REPS2: variants seen among roughly 807,000 people sequenced by gnomAD.
REPS2 encodes RALBP1 associated Eps domain containing 2.
REPS2 carries 23 observed loss-of-function variants against 53.6 expected under a neutral mutation model. That is an observed-to-expected ratio of 0.43 (90% CI 0.31 to 0.61). REPS2 has a LOEUF of 0.61. Ranked by LOEUF, REPS2 falls within the 20% of genes least tolerant of loss-of-function variation. The pLI, the probability that REPS2 is intolerant of heterozygous loss-of-function variation, is 0.11. For synonymous variants in REPS2, 238 were observed against 218.6 expected, an observed-to-expected ratio of 1.09 and a Z score of -0.78; for missense variants, 446 against 534.9, an observed-to-expected ratio of 0.83 and a Z score of 1.64.
At chrX:17,072,439 C>T (rs1322821930) in intron 11 of REPS2, among the ~76,000 whole-genome samples, 1 of 111,130 alleles carries the variant, frequency 9.0e-6, no homozygotes, top group African/African-American at 3.3e-5. Flanking sequence ...GGTCTCTAGT[C>T]CTGTCTCTCC....
At chrX:17,172,971 A>ATGTGTG in the REPS2 span, among the ~76,000 whole-genome samples, 1 of 63,061 alleles carries the variant, frequency 1.6e-5, no homozygotes, top group African/African-American at 5.9e-5. Context: ...GTCTGTGTGT[A>ATGTGTG]TGTATGTGTG....
At chrX:17,008,407 T>C (rs1454561467) in intron 2 of REPS2, among the ~76,000 whole-genome samples, 20 of 112,256 alleles carry the variant, frequency 1.8e-4, no homozygotes. Context: ...TTTAATTTCC[T>C]GAGGGCAGGG....
At chrX:16,981,076 A>G (rs921255587) in intron 1 of REPS2, among the ~76,000 whole-genome samples, 1 of 112,330 alleles carries the variant, frequency 8.9e-6, no homozygotes, top group African/African-American at 3.2e-5. Context: ...TCTGTAGAAC[A>G]TTGTTAAATC....
At chrX:17,146,064 G>A (rs1174449017) in intron 17 of REPS2, among the ~76,000 whole-genome samples, 2 of 105,545 alleles carry the variant, frequency 1.9e-5, no homozygotes, top group African/African-American at 3.5e-5. Flanking sequence ...AGCCGAGATC[G>A]CGCCATTGCA....
intron 14 of REPS2, among the ~76,000 whole-genome samples, chrX:17,121,764 T>C (rs1378443115): frequency 9.1e-6 from 1 of 110,303 alleles, no homozygotes; most frequent in Non-Finnish European, 1.9e-5. Context: ...CAGGCTGGAG[T>C]GCAGTGGCAT....
At chrX:17,071,519 T>C (rs1020965125) in intron 11 of REPS2, among the ~76,000 whole-genome samples, 1 of 111,430 alleles carries the variant, frequency 9.0e-6, no homozygotes. Flanking sequence ...TATGTCGGAA[T>C]TGATTTCTCG....
chrX:17,072,991 A>G lies in REPS2; in HGVS notation c.1334-1123A>G, dbSNP rs6629204. Among the ~76,000 whole-genome samples the G allele has an allele frequency of 3.8e-4, 42 of 110,286 alleles. No homozygotes were observed. The East Asian group carries it at 0.011, about 30-fold the overall frequency. Reference sequence around the variant, plus strand: ...TGTGTTCTCACTACAACAAGCCAAAATGCTTGGGTTGGGAGAAGTGTATCT... The same window carrying G: ...TGTGTTCTCACTACAACAAGCCAAAGTGCTTGGGTTGGGAGAAGTGTATCT... On this transcript the variant is annotated intron_variant, in intron 11 of 17. Coordinates refer to ENST00000357277, the MANE Select transcript of REPS2 (RefSeq NM_004726.3).
chrX:17,139,795 T>G (rs182110745), intron 17 of REPS2, among the ~76,000 whole-genome samples: 108 of 111,382 alleles, frequency 9.7e-4, no homozygotes, highest in Non-Finnish European at 1.3e-3. Context: ...TGTATCTCTC[T>G]GTGTCTGTGT....
At chrX:16,991,672 G>A (rs1305623619) in intron 1 of REPS2, among the ~76,000 whole-genome samples, 1 of 110,202 alleles carries the variant, frequency 9.1e-6, no homozygotes, top group South Asian at 3.9e-4. Flanking sequence ...AATATGATGA[G>A]TGTCCTCAGA....
At chrX:17,061,055 C>T (rs1480955435) in intron 8 of REPS2, among the ~76,000 whole-genome samples, 1 of 111,098 alleles carries the variant, frequency 9.0e-6, no homozygotes, top group Admixed American at 9.6e-5. Context: ...AAAGTGTTAG[C>T]TTTCTTCACA....
intron 5 of REPS2, among the ~76,000 whole-genome samples, chrX:17,039,144 TG>T (rs1363967574): frequency 8.9e-6 from 1 of 111,867 alleles, no homozygotes; most frequent in African/African-American, 3.2e-5. Context: ...GCTTCGTTAA[TG>T]GAAGTCTGCA....
At chrX:17,133,498 C>T (rs1171603658) in intron 14 of REPS2, among the ~76,000 whole-genome samples, 1 of 112,007 alleles carries the variant, frequency 8.9e-6, no homozygotes, top group African/African-American at 3.2e-5. Context: ...TCTTTGTTTT[C>T]AACCCTGTTT....
chrX:17,009,486 G>A (rs1273404883), intron 2 of REPS2, among the ~76,000 whole-genome samples: 1 of 111,166 alleles, frequency 9.0e-6, no homozygotes, highest in Non-Finnish European at 1.9e-5. Flanking sequence ...GAGTGCAGTG[G>A]TGTGATCACG....
intron 13 of REPS2, among the ~76,000 whole-genome samples, chrX:17,095,999 ATGAGT>A (rs983919598): frequency 2.7e-5 from 3 of 112,016 alleles, no homozygotes; most frequent in African/African-American, 9.8e-5. Context: ...TTTTGTGTTA[ATGAGT>A]TAAGAGTGAG....
chrX:17,055,712 A>G (rs1397786579), intron 8 of REPS2, among the ~76,000 whole-genome samples: 1 of 105,408 alleles, frequency 9.5e-6, no homozygotes, highest in Non-Finnish European at 1.9e-5. Context: ...ATTGGAAACC[A>G]TCATTCTCAG....
At chrX:16,994,372 C>CATATAT (rs55964545) in intron 1 of REPS2, among the ~76,000 whole-genome samples, 2 of 107,838 alleles carry the variant, frequency 1.9e-5, no homozygotes, top group African/African-American at 6.9e-5. Flanking sequence ...CATATATATA[C>CATATAT]ATATATATAC....
chrX:17,090,833 CTTG>C (rs1474886125), intron 13 of REPS2, among the ~76,000 whole-genome samples: 32 of 111,693 alleles, frequency 2.9e-4, no homozygotes, highest in Non-Finnish European at 4.3e-4. Flanking sequence ...AAGATTTTTT[CTTG>C]TTGTAAAATT....
At chrX:17,040,326 C>T (rs1052814910) in intron 5 of REPS2, among the ~76,000 whole-genome samples, 3 of 112,455 alleles carry the variant, frequency 2.7e-5, no homozygotes, top group East Asian at 2.8e-4. Context: ...ATATAAAGTT[C>T]AGCTTCAGTC....
chrX:17,018,968 A>AT (rs2061535800), intron 2 of REPS2, among the ~76,000 whole-genome samples: 1 of 109,859 alleles, frequency 9.1e-6, no homozygotes, highest in African/African-American at 3.3e-5. Context: ...TGCCCAGCTG[A>AT]TTTTTTATTT....
Sources: allele counts gnomAD v4.1 joint callset (sites outside exome capture counted in the v4.1 genomes callset), GRCh38; gene constraint gnomAD v4.1.1; transcripts MANE v1.5; gene names NCBI Gene and HGNC (gene_info 2026-07-23, HGNC 2026-07-21).